WWOX: variants seen among roughly 807,000 people sequenced by gnomAD.
WWOX encodes WW domain containing oxidoreductase, also known as WW domain-containing oxidoreductase.
A neutral mutation model predicts 46.2 loss-of-function variants in WWOX; 69 were observed. The observed-to-expected ratio is 1.49, with a 90% CI of 1.23 to 1.82. The LOEUF is 1.82. Ranked by LOEUF, WWOX falls within the 40% of genes most tolerant of loss-of-function variation. WWOX has a pLI of 0.00. For missense variants in WWOX, 919 were observed against 542.6 expected, an observed-to-expected ratio of 1.69 and a Z score of -6.89; for synonymous variants, 359 against 202.6, an observed-to-expected ratio of 1.77 and a Z score of -6.56.
At chr16:78,557,534 C>T (rs2044329682) in intron 8 of WWOX, among the ~76,000 whole-genome samples, 1 of 152,106 alleles carries the variant, frequency 6.6e-6, no homozygotes, top group Non-Finnish European at 1.5e-5. Flanking sequence ...GTTTCACTTA[C>T]ACGTTTTTGT....
intron 5 of WWOX, among the ~76,000 whole-genome samples, chr16:78,222,297 G>T (rs370279715): frequency 5.3e-5 from 8 of 150,738 alleles, no homozygotes; most frequent in African/African-American, 1.7e-4. Context: ...CAAGGGCCCA[G>T]CTGTGCCTCA....
intron 8 of WWOX, among the ~76,000 whole-genome samples, chr16:79,012,900 G>T (rs1017746226): frequency 6.6e-6 from 1 of 152,192 alleles, no homozygotes; most frequent in Non-Finnish European, 1.5e-5. Context: ...CAAAGAAAAT[G>T]CCACCAGCAG....
intron 8 of WWOX, among the ~76,000 whole-genome samples, chr16:79,084,646 C>G (rs1334081924): frequency 6.6e-6 from 1 of 152,180 alleles, no homozygotes; most frequent in African/African-American, 2.4e-5. Flanking sequence ...GACTCCTGGC[C>G]TCGTGATGCA....
intron 8 of WWOX, among the ~76,000 whole-genome samples, chr16:78,725,997 C>G (rs1408262422): frequency 1.3e-5 from 2 of 150,474 alleles, no homozygotes; most frequent in Admixed American, 1.3e-4. Flanking sequence ...TCCTCCTTCT[C>G]CTTCTTCTTC....
chr16:78,752,648 C>A (rs1230022524), intron 8 of WWOX, among the ~76,000 whole-genome samples: 2 of 152,170 alleles, frequency 1.3e-5, no homozygotes, highest in African/African-American at 2.4e-5. Flanking sequence ...TGATAAAATT[C>A]TTTAAGATAA....
At chr16:78,713,721 A>G (rs2048498150) in intron 8 of WWOX, among the ~76,000 whole-genome samples, 1 of 152,146 alleles carries the variant, frequency 6.6e-6, no homozygotes, top group Admixed American at 6.5e-5. Context: ...ACCTGCTGAC[A>G]CCTTGACCTT....
At chr16:78,172,009 G>A (rs1481856233) in intron 5 of WWOX, among the ~76,000 whole-genome samples, 1 of 152,198 alleles carries the variant, frequency 6.6e-6, no homozygotes, top group East Asian at 1.9e-4. Flanking sequence ...TGCAGATGAG[G>A]CAGTTTAGAG....
At chr16:78,935,661 C>T (rs189606943) in intron 8 of WWOX, among the ~76,000 whole-genome samples, 4 of 151,724 alleles carry the variant, frequency 2.6e-5, no homozygotes, top group Admixed American at 6.6e-5. Context: ...ATGTAAATGA[C>T]GAGTTAATGG....
intron 8 of WWOX, among the ~76,000 whole-genome samples, chr16:78,584,281 C>T (rs1490911033): frequency 6.6e-6 from 1 of 152,166 alleles, no homozygotes; most frequent in African/African-American, 2.4e-5. Context: ...ATCAGTTATT[C>T]CCAACCATGG....
chr16:78,175,390 T>G (rs1390548126), intron 5 of WWOX, among the ~76,000 whole-genome samples: 1 of 152,206 alleles, frequency 6.6e-6, no homozygotes, highest in Non-Finnish European at 1.5e-5. Context: ...TAGAGGCCAG[T>G]TCTCCTCTCT....
At chr16:78,314,405 C>T (rs1278558204) in intron 5 of WWOX, among the ~76,000 whole-genome samples, 1 of 101,510 alleles carries the variant, frequency 9.9e-6, no homozygotes, top group Non-Finnish European at 2.0e-5. Flanking sequence ...GACTCTGTCT[C>T]AAAAAAAAAA....
intron 8 of WWOX, among the ~76,000 whole-genome samples, chr16:78,462,238 C>T (rs945843069): frequency 4.0e-5 from 6 of 150,646 alleles, no homozygotes; most frequent in Admixed American, 6.6e-5. Context: ...CTCTTGCTCA[C>T]GCTCTTTTTT....
At chr16:78,409,638 A>G (rs1216797549) in intron 6 of WWOX, among the ~76,000 whole-genome samples, 2 of 152,208 alleles carry the variant, frequency 1.3e-5, no homozygotes, top group Non-Finnish European at 2.9e-5. Flanking sequence ...TTATGTGCTT[A>G]AAACCCAAAG....
intron 8 of WWOX, among the ~76,000 whole-genome samples, chr16:78,753,188 T>G (rs1336855374): frequency 6.6e-6 from 1 of 152,058 alleles, no homozygotes; most frequent in Non-Finnish European, 1.5e-5. Flanking sequence ...TAATCCCAGC[T>G]ACTCTGGAGG....
intron 8 of WWOX, among the ~76,000 whole-genome samples, chr16:78,886,221 G>T (rs1333788281): frequency 7.4e-6 from 1 of 135,486 alleles, no homozygotes; most frequent in African/African-American, 2.6e-5. Flanking sequence ...CACTGCGCCT[G>T]ACTGTACTTT....
rs1160833850 is a variant in WWOX, at chr16:78,293,993, A to AC, written c.517-92867_517-92866insC. Among the ~76,000 whole-genome samples the AC allele has an allele frequency of 2.0e-3, 293 of 149,526 alleles. 1 individual carries two copies. Among genetic ancestry groups the AC allele is most frequent in the African/African-American group, 6.5e-3 (267 of 40,830 alleles). The stretch of plus-strand genomic sequence containing the variant: ...CTCTGTCTCAGAAAAAAAAAAAAAA[A>AC]AAAAAAAAAAAAAAAAAGGCTTTCC... On this transcript the variant is annotated intron_variant, in intron 5 of 8. Coordinates refer to ENST00000566780, the MANE Select transcript of WWOX (RefSeq NM_016373.4).
intron 6 of WWOX, among the ~76,000 whole-genome samples, chr16:78,394,438 TACTTA>T (rs2082243512): frequency 7.0e-6 from 1 of 143,514 alleles, no homozygotes; most frequent in Admixed American, 7.2e-5. Flanking sequence ...CACTGTGAAA[TACTTA>T]GTGTATCTAG....
intron 8 of WWOX, among the ~76,000 whole-genome samples, chr16:78,652,074 A>C (rs895795131): frequency 6.6e-6 from 1 of 152,152 alleles, no homozygotes; most frequent in African/African-American, 2.4e-5. Context: ...ATGATAAGCC[A>C]GATGTCCAGA....
chr16:79,180,464 G>T (rs186179838), intron 8 of WWOX, among the ~76,000 whole-genome samples: 20 of 152,272 alleles, frequency 1.3e-4, no homozygotes, highest in Admixed American at 7.8e-4. Context: ...GGTGGTGATG[G>T]TGCTGCCTCT....
Sources: gnomAD v4.1 joint callset for allele counts (sites outside exome capture counted in the v4.1 genomes callset) on GRCh38, gnomAD v4.1.1 for gene constraint, MANE v1.5 for transcripts, NCBI Gene and HGNC (gene_info 2026-07-23, HGNC 2026-07-21) for gene names.